Variants in DCLK1 observed in about 807,000 individuals in gnomAD.
DCLK1 encodes the protein doublecortin like kinase 1, also known as serine/threonine-protein kinase DCLK1.
In DCLK1, 16 loss-of-function variants were observed where a neutral mutation model predicts 86.2. The ratio of observed to expected loss-of-function variants is 0.19; its 90% CI spans 0.13 to 0.28. The LOEUF is 0.28. Among genes scored for constraint, DCLK1 ranks in the 10% least tolerant of loss-of-function variants. The pLI, the probability that DCLK1 is intolerant of heterozygous loss-of-function variation, is 1.00. For synonymous variants in DCLK1, 369 were observed against 370.5 expected, an observed-to-expected ratio of 1.00 and a Z score of 0.05; for missense variants, 590 against 940.2, an observed-to-expected ratio of 0.63 and a Z score of 4.87.
At chr13:36,130,906 G>T (rs1364534190) in intron 1 of DCLK1, among the ~76,000 whole-genome samples, 1 of 152,096 alleles carries the variant, frequency 6.6e-6, no homozygotes, top group African/African-American at 2.4e-5. Context: ...AGCAGCCCCG[G>T]GGCCGCCCGC....
intron 4 of DCLK1, among the ~76,000 whole-genome samples, chr13:35,941,879 T>C (rs1271579353): frequency 1.3e-5 from 2 of 152,290 alleles, no homozygotes; most frequent in African/African-American, 2.4e-5. Context: ...AAATGACCCA[T>C]ATCACATAAC....
intron 11 of DCLK1, among the ~76,000 whole-genome samples, chr13:35,812,907 G>C (rs1341611796): frequency 1.3e-5 from 2 of 152,208 alleles, no homozygotes. Flanking sequence ...TAATGAAGCA[G>C]CTGTCCAGCC....
At chr13:36,121,095 A>T (rs1885972513) in intron 2 of DCLK1, among the ~76,000 whole-genome samples, 1 of 152,212 alleles carries the variant, frequency 6.6e-6, no homozygotes, top group Admixed American at 6.5e-5. Context: ...AATAACAAAT[A>T]ATTGAACACA....
intron 3 of DCLK1, among the ~76,000 whole-genome samples, chr13:36,099,177 A>G (rs1363064161): frequency 6.6e-6 from 1 of 152,122 alleles, no homozygotes; most frequent in Non-Finnish European, 1.5e-5. Flanking sequence ...CACGTTGGCC[A>G]GGCTGGTCTC....
intron 3 of DCLK1, among the ~76,000 whole-genome samples, chr13:36,077,553 G>T (rs2153162870): frequency 6.6e-6 from 1 of 152,278 alleles, no homozygotes; most frequent in Admixed American, 6.5e-5. Flanking sequence ...TAGCACTAAA[G>T]ACTTGCAAGC....
chr13:36,056,663 A>C (rs1883330320), intron 3 of DCLK1, among the ~76,000 whole-genome samples: 1 of 150,938 alleles, frequency 6.6e-6, no homozygotes, highest in Admixed American at 6.6e-5. Flanking sequence ...CACACAAAAA[A>C]AAAAATTAAC....
At chr13:35,949,581 G>A (rs1056123846) in intron 3 of DCLK1, among the ~76,000 whole-genome samples, 1 of 152,134 alleles carries the variant, frequency 6.6e-6, no homozygotes, top group African/African-American at 2.4e-5. Context: ...GAAAAATATT[G>A]ATTTTTAAAG....
intron 11 of DCLK1, among the ~76,000 whole-genome samples, chr13:35,816,928 C>T (rs1241063188): frequency 1.3e-5 from 2 of 152,196 alleles, no homozygotes; most frequent in East Asian, 3.8e-4. Context: ...TCACAAGGCA[C>T]ACATGTTATT....
In DCLK1 at chr13:35,878,470, C is replaced by A. The variant is rs371141347; in HGVS notation, c.824-7130G>T. 7.3e-4 allele frequency among the ~76,000 whole-genome samples: 111 copies of A among 152,064 alleles called. 3 individuals are homozygous for A. In the South Asian group the frequency reaches 0.021, roughly 29 times the overall value. On this transcript the variant is annotated intron_variant, in intron 4 of 16. Transcript: ENST00000360631. ...ACACGCAGCACGTCTGGAATAAAAG[C>A]AATCAAGATCAAAACACTCTAAAAT...
intron 3 of DCLK1, among the ~76,000 whole-genome samples, chr13:36,089,021 C>A (rs1305676898): frequency 6.6e-6 from 1 of 152,056 alleles, no homozygotes; most frequent in Non-Finnish European, 1.5e-5. Context: ...TTTATTCTAT[C>A]TTTTTTTTAA....
intron 3 of DCLK1, among the ~76,000 whole-genome samples, chr13:36,059,322 C>A (rs1039678205): frequency 1.3e-5 from 2 of 152,142 alleles, no homozygotes; most frequent in African/African-American, 4.8e-5. Context: ...ACCTCCTTCA[C>A]ATAGTAATAT....
chr13:35,946,685 T>C (rs1258648624), intron 4 of DCLK1, among the ~76,000 whole-genome samples: 2 of 152,192 alleles, frequency 1.3e-5, no homozygotes, highest in South Asian at 2.1e-4. Flanking sequence ...ATAATCTTTG[T>C]TTGGTAGAAT....
intron 3 of DCLK1, among the ~76,000 whole-genome samples, chr13:35,987,864 A>G (rs1171970938): frequency 6.6e-6 from 1 of 152,110 alleles, no homozygotes; most frequent in Admixed American, 6.5e-5. Context: ...TTAACATATT[A>G]TTGATGCCTG....
In DCLK1 at chr13:35,805,152, T is replaced by C. The variant is rs117196532; in HGVS notation, c.1944+547A>G. Among the ~76,000 whole-genome samples, 1,500 of 152,270 alleles carry C rather than the reference T, an allele frequency of 9.9e-3. 67 individuals are homozygous for C. Among genetic ancestry groups the C allele is most frequent in the Admixed American group, 0.074 (1,125 of 15,292 alleles). On this transcript the variant is annotated intron_variant, in intron 15 of 16. Transcript: ENST00000360631. ...AGAAAGCAGGTTGCGGGGTAGAAGA[T>C]TGAGACCACTGGCACCTCACCAGTT...
At chr13:35,813,696 G>A (rs2087201544) in intron 11 of DCLK1, among the ~76,000 whole-genome samples, 1 of 148,760 alleles carries the variant, frequency 6.7e-6, no homozygotes, top group Admixed American at 6.7e-5. Context: ...CCTGTACAAT[G>A]GTCTTTTAAT....
At chr13:36,073,078 C>T (rs1884037861) in intron 3 of DCLK1, among the ~76,000 whole-genome samples, 1 of 152,200 alleles carries the variant, frequency 6.6e-6, no homozygotes, top group South Asian at 2.1e-4. Flanking sequence ...CTTTTTAAAA[C>T]AGCTCTACTG....
At chr13:35,914,580 G>C (rs1396207332) in intron 4 of DCLK1, among the ~76,000 whole-genome samples, 1 of 150,426 alleles carries the variant, frequency 6.6e-6, no homozygotes, top group Non-Finnish European at 1.5e-5. Context: ...AGCCAGGTAT[G>C]GTGGCACAGC....
chr13:35,819,413 A>G (rs2087342079), intron 11 of DCLK1, among the ~76,000 whole-genome samples: 1 of 152,204 alleles, frequency 6.6e-6, no homozygotes, highest in Non-Finnish European at 1.5e-5. Context: ...AATTAAAAAT[A>G]AAAAACGCTA....
intron 3 of DCLK1, among the ~76,000 whole-genome samples, chr13:36,030,666 A>C (rs952494444): frequency 5.3e-5 from 8 of 152,124 alleles, no homozygotes; most frequent in African/African-American, 1.4e-4. Context: ...CAGTATCTTC[A>C]TTATTCAAAT....
Sources: allele counts gnomAD v4.1 joint callset (sites outside exome capture counted in the v4.1 genomes callset), GRCh38; gene constraint gnomAD v4.1.1; transcripts MANE v1.5; gene names NCBI Gene and HGNC (gene_info 2026-07-23, HGNC 2026-07-21).